KLHL1: variants seen among roughly 807,000 people sequenced by gnomAD.
KLHL1 encodes kelch-like protein 1.
Under a neutral mutation model 77.7 loss-of-function variants are expected in KLHL1, and 47 were observed. That is an observed-to-expected ratio of 0.60 (90% confidence interval 0.48 to 0.77). The LOEUF (loss-of-function observed/expected upper bound fraction) is 0.77, where lower values mean the gene tolerates loss of function less well. Ranked by LOEUF, KLHL1 falls within the 30% of genes least tolerant of loss-of-function variation. The probability of loss-of-function intolerance (pLI) is 0.00; values close to 1 mark genes in which losing one functional copy is unlikely to be tolerated. For synonymous variants in KLHL1, 360 were observed against 325.2 expected (o/e 1.11, Z -1.15); for missense variants, 925 against 910.8 (o/e 1.02, Z -0.20).
intron 6 of KLHL1, among the ~76,000 whole-genome samples, 192 bp from the exon 7 acceptor site, chr13:69,797,154 C>T (rs1360811273): frequency 6.6e-6 from 1 of 152,090 alleles, no homozygotes; most frequent in African/African-American, 2.4e-5. Flanking sequence ...CATGAATGAT[C>T]AAAATAGACA....
chr13:69,876,956 G>T (rs978948802), intron 5 of KLHL1, among the ~76,000 whole-genome samples: 2 of 152,074 alleles, frequency 1.3e-5, no homozygotes, highest in African/African-American at 4.8e-5. Context: ...AGAATCGCTT[G>T]AACCTGCGAG....
chr13:70,073,200 C>T (rs572568378), intron 1 of KLHL1, among the ~76,000 whole-genome samples: 1 of 152,082 alleles, frequency 6.6e-6, no homozygotes, highest in African/African-American at 2.4e-5. Context: ...AAATGTGGCA[C>T]ATATACACCA....
intron 6 of KLHL1, among the ~76,000 whole-genome samples, chr13:69,820,004 T>C (rs1383068301): frequency 6.6e-6 from 1 of 152,138 alleles, no homozygotes; most frequent in Non-Finnish European, 1.5e-5. Context: ...TGTTTTCCCG[T>C]GTCAAGAAGA....
chr13:69,992,770 G>T (rs760647949), intron 1 of KLHL1, among the ~76,000 whole-genome samples: 1 of 151,810 alleles, frequency 6.6e-6, no homozygotes, highest in Non-Finnish European at 1.5e-5. Context: ...TTATACTAAC[G>T]CTCTTCCTTT....
intron 4 of KLHL1, among the ~76,000 whole-genome samples, chr13:69,905,828 C>G (rs886298520): frequency 1.3e-5 from 2 of 151,972 alleles, no homozygotes; most frequent in African/African-American, 4.8e-5. Context: ...CAGGATCACA[C>G]GACATACTCT....
intron 1 of KLHL1, among the ~76,000 whole-genome samples, chr13:69,995,299 C>A (rs970495614): frequency 1.3e-5 from 2 of 152,040 alleles, no homozygotes; most frequent in African/African-American, 2.4e-5. Context: ...TGTGTATATA[C>A]AACTCCAGAG....
intron 6 of KLHL1, among the ~76,000 whole-genome samples, chr13:69,806,781 C>A (rs753925260): frequency 6.6e-6 from 1 of 152,170 alleles, no homozygotes; most frequent in Non-Finnish European, 1.5e-5. Context: ...CCTGGAGTAA[C>A]CTCAGTGGGA....
chr13:69,779,114 T>G (rs1875990076), intron 7 of KLHL1, among the ~76,000 whole-genome samples: 1 of 152,030 alleles, frequency 6.6e-6, no homozygotes, highest in African/African-American at 2.4e-5. Context: ...TCTTTCTTAT[T>G]CTTCTTTTCC....
At chr13:69,955,893 G>GATAT (rs1219969045) in intron 3 of KLHL1, among the ~76,000 whole-genome samples, 2 of 132,402 alleles carry the variant, frequency 1.5e-5, no homozygotes, top group South Asian at 4.4e-4. Context: ...ATATATATTT[G>GATAT]ATATATTTAT....
At chr13:69,951,049 T>C (rs751713360) in intron 3 of KLHL1, among the ~76,000 whole-genome samples, 5 of 151,616 alleles carry the variant, frequency 3.3e-5, no homozygotes, top group Non-Finnish European at 7.4e-5. Context: ...GTGAGGAAAA[T>C]GTTTGCCTTT....
At chr13:69,979,348 A>G (rs535833870) in intron 1 of KLHL1, among the ~76,000 whole-genome samples, 9 of 152,086 alleles carry the variant, frequency 5.9e-5, no homozygotes, top group African/African-American at 2.2e-4. Context: ...CTCACATATC[A>G]TTTCATGATC....
chr13:69,935,248 G>C (rs1883148355), intron 4 of KLHL1, among the ~76,000 whole-genome samples: 1 of 150,642 alleles, frequency 6.6e-6, no homozygotes, highest in Non-Finnish European at 1.5e-5. Context: ...TGGTGAACTT[G>C]GTACATAGTT....
rs1393545297 is a variant in KLHL1, at chr13:69,982,303, G to A, written c.498-6501C>T. 5.3e-5 allele frequency among the ~76,000 whole-genome samples: 8 copies of A among 151,744 alleles called. No individual in the cohort carries two copies. In the South Asian group the frequency reaches 8.3e-4, roughly 16 times the overall value. On this transcript the variant is annotated intron_variant, in intron 1 of 10. Coordinates refer to ENST00000377844, the MANE Select transcript of KLHL1 (RefSeq NM_020866.3). Reference sequence around the variant, plus strand: ...ACTAAAAAATTAGCCAGGCATGGTGGTGTGCATCTGTAGTCCCAGCTGATT... The same window carrying A: ...ACTAAAAAATTAGCCAGGCATGGTGATGTGCATCTGTAGTCCCAGCTGATT...
At chr13:70,020,523 T>C (rs1052089539) in intron 1 of KLHL1, among the ~76,000 whole-genome samples, 5 of 152,134 alleles carry the variant, frequency 3.3e-5, no homozygotes, top group African/African-American at 1.2e-4. Context: ...TGCTACATCA[T>C]AGATATAGAT....
chr13:69,942,630 A>C (rs2501216), intron 3 of KLHL1, among the ~76,000 whole-genome samples: 151,367 of 152,142 alleles, frequency 0.99, 75,303 homozygotes, highest in East Asian at 1. Context: ...CACCCATATA[A>C]CCTTCATCTG....
intron 9 of KLHL1, among the ~76,000 whole-genome samples, chr13:69,713,185 C>T (rs1413704024): frequency 1.3e-5 from 2 of 152,066 alleles, no homozygotes; most frequent in Non-Finnish European, 2.9e-5. Flanking sequence ...TTCAATCTAA[C>T]AGTTTCTAGT....
chr13:69,759,895 G>T (rs1874939861), intron 7 of KLHL1, among the ~76,000 whole-genome samples: 1 of 152,234 alleles, frequency 6.6e-6, no homozygotes, highest in South Asian at 2.1e-4. Flanking sequence ...GGTAAGACTG[G>T]TTAGGCAAAC....
intron 6 of KLHL1, among the ~76,000 whole-genome samples, chr13:69,826,743 T>C (rs1430924053): frequency 6.6e-6 from 1 of 151,260 alleles, no homozygotes; most frequent in Non-Finnish European, 1.5e-5. Flanking sequence ...AAAACCCTTA[T>C]TTTTAAATTG....
At position 70,084,461 on chromosome 13, in the gene KLHL1, C is replaced by CTTT. The variant is rs1324246935; in HGVS notation, c.497+22741_497+22742insAAA. On this transcript the variant is annotated intron_variant, in intron 1 of 10. Coordinates refer to ENST00000377844, the MANE Select transcript of KLHL1 (RefSeq NM_020866.3). ...GATATTTTCTAGTCTATTTCTTCTT[C>CTTT]TTCTTTTTTTTTTTTTGAGACGGAG... is the stretch of plus-strand genomic sequence containing the variant. Among the ~76,000 whole-genome samples the CTTT allele has an allele frequency of 3.3e-4, 38 of 115,106 alleles. 9 individuals are homozygous for CTTT. Among genetic ancestry groups the CTTT allele is most frequent in the Admixed American group, 5.0e-4 (5 of 9,926 alleles). 75.5% of individuals were successfully genotyped at this position (115,106 alleles called of 152,430 possible). A position where few individuals can be genotyped will look rare whatever the true frequency, so the allele number is the denominator to read the frequency against.
Sources: allele counts gnomAD v4.1 joint callset (sites outside exome capture counted in the v4.1 genomes callset), GRCh38; gene constraint gnomAD v4.1.1; transcripts MANE v1.5; gene names NCBI Gene and HGNC (gene_info 2026-07-23, HGNC 2026-07-21).